Variants in STK33 observed in about 807,000 individuals in gnomAD.
The protein encoded by STK33 is serine/threonine kinase 33.
STK33 carries 52 observed loss-of-function variants against 58.0 expected under a neutral mutation model. The ratio of observed to expected loss-of-function variants is 0.90; its 90% CI spans 0.72 to 1.13. STK33 has a LOEUF of 1.13. STK33 is among the 50% of genes most tolerant of loss of function. The pLI is 0.00. For missense variants in STK33, 630 were observed against 604.2 expected (o/e 1.04, Z -0.45); for synonymous variants, 215 against 200.1 (o/e 1.07, Z -0.63).
intron 1 of STK33, among the ~76,000 whole-genome samples, chr11:8,577,337 A>G (rs1307746322): frequency 6.6e-6 from 1 of 152,190 alleles, no homozygotes; most frequent in East Asian, 1.9e-4. Flanking sequence ...AGGAAAAATC[A>G]AAGATATTTC....
chr11:8,582,177 CT>C (rs1378910455), intron 1 of STK33, among the ~76,000 whole-genome samples: 1 of 152,128 alleles, frequency 6.6e-6, no homozygotes, highest in Admixed American at 6.5e-5. Context: ...CTTAACAGAG[CT>C]GTATTTTTAA....
intron 12 of STK33, among the ~76,000 whole-genome samples, chr11:8,436,910 C>T (rs1014492777): frequency 6.6e-6 from 1 of 152,178 alleles, no homozygotes; most frequent in Non-Finnish European, 1.5e-5. Flanking sequence ...GTTGGCCAGG[C>T]TGGCCTCGAA....
At chr11:8,410,864 G>C (rs1235061766) in intron 15 of STK33, among the ~76,000 whole-genome samples, 1 of 152,144 alleles carries the variant, frequency 6.6e-6, no homozygotes, top group African/African-American at 2.4e-5. Context: ...TACAAAGCAA[G>C]AATTCCATAA....
the STK33 span, among the ~76,000 whole-genome samples, chr11:8,373,890 C>A: frequency 6.6e-6 from 1 of 152,176 alleles, no homozygotes; most frequent in Non-Finnish European, 1.5e-5. Context: ...GGCCCAGAGG[C>A]CCCTCCTGCC....
the STK33 span, among the ~76,000 whole-genome samples, chr11:8,358,400 C>T: frequency 5.3e-5 from 8 of 152,210 alleles, no homozygotes; most frequent in African/African-American, 1.7e-4. Context: ...TGAGTGGGGG[C>T]GCCTTGTGCC....
intron 11 of STK33, among the ~76,000 whole-genome samples, chr11:8,449,317 T>C (rs1945953651): frequency 6.6e-6 from 1 of 151,554 alleles, no homozygotes. Flanking sequence ...CATGCTGCCA[T>C]AAAGACACAT....
intron 1 of STK33, among the ~76,000 whole-genome samples, chr11:8,532,462 A>G (rs1954630343): frequency 1.3e-5 from 2 of 152,176 alleles, no homozygotes; most frequent in Admixed American, 1.3e-4. Flanking sequence ...TTTGCCCAAA[A>G]AGTTTACCGT....
chr11:8,394,041 T>C (rs1162439053), intron 15 of STK33, among the ~76,000 whole-genome samples: 1 of 152,234 alleles, frequency 6.6e-6, no homozygotes, highest in Non-Finnish European at 1.5e-5. Flanking sequence ...CCTTAAAATT[T>C]TAATTTCTAT....
At chr11:8,459,871 C>A (rs189611754) in intron 8 of STK33, among the ~76,000 whole-genome samples, 9 of 152,218 alleles carry the variant, frequency 5.9e-5, no homozygotes, top group Admixed American at 3.3e-4. Flanking sequence ...GGAAACTACC[C>A]AAAGCTGGGG....
At chr11:8,356,776 T>G in the STK33 span, among the ~76,000 whole-genome samples, 5 of 152,124 alleles carry the variant, frequency 3.3e-5, no homozygotes, top group African/African-American at 1.2e-4. Flanking sequence ...AGCTGTCAGA[T>G]AGCTGGACCG....
chr11:8,527,781 T>C (rs1470215139), intron 1 of STK33, among the ~76,000 whole-genome samples: 1 of 152,194 alleles, frequency 6.6e-6, no homozygotes, highest in Non-Finnish European at 1.5e-5. Context: ...GCAATGACTA[T>C]ATGAGTATTT....
At chr11:8,539,114 C>T (rs1022190770) in intron 1 of STK33, among the ~76,000 whole-genome samples, 1 of 151,844 alleles carries the variant, frequency 6.6e-6, no homozygotes, top group Non-Finnish European at 1.5e-5. Flanking sequence ...TACTATTACA[C>T]AACCTGTAAA....
the STK33 span, among the ~76,000 whole-genome samples, chr11:8,350,742 C>A: frequency 1.3e-5 from 2 of 152,232 alleles, no homozygotes; most frequent in East Asian, 3.9e-4. Context: ...AGCTAAGTGG[C>A]AGGTGTGGGC....
At chr11:8,345,917 G>A in the STK33 span, among the ~76,000 whole-genome samples, 1 of 152,194 alleles carries the variant, frequency 6.6e-6, no homozygotes, top group South Asian at 2.1e-4. Flanking sequence ...AACAATTACA[G>A]CTTCCACGTA....
At chr11:8,443,302 C>A (rs1945000528) in intron 11 of STK33, among the ~76,000 whole-genome samples, 1 of 152,116 alleles carries the variant, frequency 6.6e-6, no homozygotes, top group Non-Finnish European at 1.5e-5. Context: ...ACCAGGTATA[C>A]ATACATATTT....
At chr11:8,412,677 T>G (rs1047638344) in intron 15 of STK33, among the ~76,000 whole-genome samples, 5 of 152,202 alleles carry the variant, frequency 3.3e-5, no homozygotes, top group Admixed American at 6.5e-5. Context: ...CTGGCTACCC[T>G]GAGGTGAACA....
At chr11:8,425,890 G>A (rs1233567537) in intron 14 of STK33, among the ~76,000 whole-genome samples, 3 of 152,114 alleles carry the variant, frequency 2.0e-5, no homozygotes, top group African/African-American at 7.2e-5. Context: ...TCTAGAGGGA[G>A]GATGCAGATG....
At chr11:8,495,971 A>G (rs1951027360) in intron 1 of STK33, among the ~76,000 whole-genome samples, 1 of 152,066 alleles carries the variant, frequency 6.6e-6, no homozygotes, top group African/African-American at 2.4e-5. Flanking sequence ...TGGGAGAGGG[A>G]TAGCATTAGG....
At chr11:8,481,180 T>A (rs1322013001) in intron 1 of STK33, among the ~76,000 whole-genome samples, 1 of 152,152 alleles carries the variant, frequency 6.6e-6, no homozygotes, top group Non-Finnish European at 1.5e-5. Flanking sequence ...TTTCAAGGGT[T>A]GAAAGCACAA....
Sources: allele counts gnomAD v4.1 joint callset (sites outside exome capture counted in the v4.1 genomes callset), GRCh38; gene constraint gnomAD v4.1.1; transcripts MANE v1.5; gene names NCBI Gene and HGNC (gene_info 2026-07-23, HGNC 2026-07-21).